The following MSRA variants were observed in gnomAD, a reference collection of about 807,000 sequenced individuals.
MSRA encodes methionine sulfoxide reductase A.
Under a neutral mutation model 31.3 loss-of-function variants are expected in MSRA, and 54 were observed. That is an observed-to-expected ratio of 1.73 (90% CI 1.39 to 2.17). The LOEUF (loss-of-function observed/expected upper bound fraction) is 2.17. MSRA is among the 30% of genes most tolerant of loss of function. MSRA has a pLI of 0.00. For synonymous variants in MSRA, 169 were observed against 116.5 expected (o/e 1.45, Z -2.90); for missense variants, 507 against 300.9 (o/e 1.69, Z -5.07).
chr8:10,428,390 A>T lies in MSRA; in HGVS notation c.*78A>T. 1 of 1,475,616 alleles carries T rather than the reference A, an allele frequency of 6.8e-7. No individual in the cohort carries two copies. The allele number at this position is 1,475,616 out of a possible 1,614,324, so 91.4% of individuals were successfully genotyped here. On this transcript the variant is annotated 3_prime_UTR_variant, in exon 6 of 6. Transcript: ENST00000317173. ...ATTGGGCAATGCTTGTGTGATTCAC[A>T]ATCGTGGCATTTAAAGTGCACAAAG...
chr8:10,409,984 C>T (rs1808057465), intron 5 of MSRA, among the ~76,000 whole-genome samples: 1 of 152,202 alleles, frequency 6.6e-6, no homozygotes, highest in Admixed American at 6.5e-5. Flanking sequence ...CGCTGGAGCC[C>T]AGGAGTTTGA....
chr8:10,356,070 T>C (rs956912739), intron 5 of MSRA, among the ~76,000 whole-genome samples: 1 of 152,112 alleles, frequency 6.6e-6, no homozygotes, highest in African/African-American at 2.4e-5. Flanking sequence ...TTCATGTATC[T>C]GGGGAGCTGG....
chr8:10,056,733 A>C (rs534696281), intron 1 of MSRA, among the ~76,000 whole-genome samples: 4 of 152,218 alleles, frequency 2.6e-5, no homozygotes, highest in African/African-American at 7.2e-5. Flanking sequence ...GTAGCTGTAA[A>C]CTTGAAACTT....
chr8:10,384,981 G>A (rs1806299003), intron 5 of MSRA, among the ~76,000 whole-genome samples: 2 of 151,992 alleles, frequency 1.3e-5, no homozygotes, highest in South Asian at 2.1e-4. Context: ...CAGCCTGGGT[G>A]ACAGAGCAAA....
chr8:10,207,799 A>C (rs1413182421), intron 1 of MSRA, 34 bp from the exon 2 acceptor site: 2 of 1,583,858 alleles, frequency 1.3e-6, no homozygotes, highest in East Asian at 2.2e-5. Context: ...AGAACTTTAC[A>C]CTTAAACTTG....
intron 4 of MSRA, among the ~76,000 whole-genome samples, chr8:10,310,637 A>G (rs533798083): frequency 2.6e-5 from 4 of 152,332 alleles, no homozygotes; most frequent in South Asian, 2.1e-4. Flanking sequence ...AAAGCAACCT[A>G]TGAACCTTAG....
At chr8:10,404,543 C>T (rs891360264) in intron 5 of MSRA, among the ~76,000 whole-genome samples, 1 of 152,246 alleles carries the variant, frequency 6.6e-6, no homozygotes, top group Non-Finnish European at 1.5e-5. Flanking sequence ...GGCGGCCGCT[C>T]CCTCCCTCAC....
intron 3 of MSRA, among the ~76,000 whole-genome samples, chr8:10,297,873 T>C (rs1225803834): frequency 6.6e-6 from 1 of 152,224 alleles, no homozygotes; most frequent in Non-Finnish European, 1.5e-5. Flanking sequence ...AAGAAGAGCC[T>C]AATCCCATAA....
chr8:10,055,796 A>G (rs575068580), intron 1 of MSRA, among the ~76,000 whole-genome samples: 60 of 152,354 alleles, frequency 3.9e-4, no homozygotes, highest in African/African-American at 1.3e-3. Context: ...TCGTAGAATA[A>G]TCAGTATGAG....
chr8:10,064,229 C>G (rs934857880), intron 1 of MSRA, among the ~76,000 whole-genome samples: 1 of 152,168 alleles, frequency 6.6e-6, no homozygotes, highest in African/African-American at 2.4e-5. Context: ...GTGAGATACT[C>G]GATGACTTTG....
At chr8:10,327,758 C>G (rs1247442420) in intron 5 of MSRA, among the ~76,000 whole-genome samples, 1 of 152,100 alleles carries the variant, frequency 6.6e-6, no homozygotes, top group Non-Finnish European at 1.5e-5. Flanking sequence ...AAGGTGAAAC[C>G]CCGTCTCTAC....
At chr8:10,167,864 G>T (rs1805275900) in intron 1 of MSRA, among the ~76,000 whole-genome samples, 1 of 152,022 alleles carries the variant, frequency 6.6e-6, no homozygotes. Flanking sequence ...CACCCCTAAG[G>T]AAAAAAACAT....
At chr8:10,135,071 G>A (rs1254533247) in intron 1 of MSRA, among the ~76,000 whole-genome samples, 4 of 152,198 alleles carry the variant, frequency 2.6e-5, no homozygotes, top group Non-Finnish European at 5.9e-5. Context: ...GTGTAGGAAT[G>A]ATACTGGTCA....
rs1173296805 is a variant in MSRA at position 10,215,295 on chromosome 8, C to A, written c.211+7394C>A. Among the ~76,000 whole-genome samples the A allele has an allele frequency of 2.0e-5, 3 of 152,314 alleles. No homozygotes were observed. The East Asian group carries it at 5.8e-4, about 29-fold the overall frequency. ...ACTGGAGTCCTGTAATCCTTGTTGA[C>A]TCTAGACAAGTTTCTTCCGCCTTCT... On this transcript the variant is annotated intron_variant, in intron 2 of 5. Coordinates refer to ENST00000317173, the MANE Select transcript of MSRA (RefSeq NM_012331.5).
At chr8:10,404,958 C>T (rs927533920) in intron 5 of MSRA, among the ~76,000 whole-genome samples, 8 of 152,216 alleles carry the variant, frequency 5.3e-5, no homozygotes, top group Non-Finnish European at 1.0e-4. Context: ...ACAGAACCCA[C>T]GATGGCCGAG....
At chr8:10,214,942 C>G (rs1438012224) in intron 2 of MSRA, among the ~76,000 whole-genome samples, 2 of 152,158 alleles carry the variant, frequency 1.3e-5, no homozygotes, top group African/African-American at 4.8e-5. Context: ...TTGAAAATCT[C>G]TTTTGGTTTG....
intron 1 of MSRA, among the ~76,000 whole-genome samples, chr8:10,193,331 C>T (rs79124640): frequency 0.02 from 3,004 of 152,274 alleles, 97 homozygotes; most frequent in African/African-American, 0.067. Context: ...AGAGACACTG[C>T]GCAGGCTCCA....
intron 1 of MSRA, among the ~76,000 whole-genome samples, chr8:10,197,631 C>A (rs1156462486): frequency 6.6e-6 from 1 of 152,094 alleles, no homozygotes; most frequent in African/African-American, 2.4e-5. Flanking sequence ...AAATGCAGAT[C>A]CCCAGGCCTT....
chr8:10,311,827 G>C (rs770333411), intron 4 of MSRA, among the ~76,000 whole-genome samples: 1 of 152,130 alleles, frequency 6.6e-6, no homozygotes, highest in Non-Finnish European at 1.5e-5. Flanking sequence ...TGAGGTGGGA[G>C]GGGTGCTTGT....
Sources: allele counts gnomAD v4.1 joint callset (sites outside exome capture counted in the v4.1 genomes callset), GRCh38; gene constraint gnomAD v4.1.1; transcripts MANE v1.5; gene names NCBI Gene and HGNC (gene_info 2026-07-23, HGNC 2026-07-21).